The following DPP6 variants were observed in gnomAD, a reference collection of about 807,000 sequenced individuals.
DPP6 encodes the protein dipeptidyl peptidase like 6.
Under a neutral mutation model 122.6 loss-of-function variants are expected in DPP6, and 69 were observed. The ratio of observed to expected loss-of-function variants is 0.56; its 90% CI spans 0.46 to 0.69. DPP6 has a LOEUF of 0.69. DPP6 is among the 30% of genes least tolerant of loss of function. The pLI is 0.00. For synonymous variants in DPP6, 418 were observed against 433.1 expected (o/e 0.97, Z 0.43); for missense variants, 928 against 1,116.9 (o/e 0.83, Z 2.41).
chr7:154,387,761 C>T (rs149547055), intron 1 of DPP6, among the ~76,000 whole-genome samples: 13 of 152,294 alleles, frequency 8.5e-5, no homozygotes, highest in African/African-American at 2.9e-4. Flanking sequence ...ACTAATCCCA[C>T]GTTCTTCACC....
chr7:154,210,231 A>T (rs1799668045), intron 1 of DPP6, among the ~76,000 whole-genome samples: 1 of 152,170 alleles, frequency 6.6e-6, no homozygotes, highest in Non-Finnish European at 1.5e-5. Flanking sequence ...TCAGAAGTTC[A>T]TGCTGTCATT....
intron 8 of DPP6, among the ~76,000 whole-genome samples, chr7:154,747,338 C>G (rs1363354203): frequency 1.3e-5 from 2 of 152,190 alleles, no homozygotes; most frequent in Non-Finnish European, 2.9e-5. Flanking sequence ...TGCAATTGTA[C>G]AGAGGCTCTG....
At chr7:154,451,519 G>A (rs187246024) in intron 2 of DPP6, among the ~76,000 whole-genome samples, 23 of 152,150 alleles carry the variant, frequency 1.5e-4, no homozygotes, top group African/African-American at 3.1e-4. Context: ...TCTTCTCCAC[G>A]CACAGGGAGT....
intron 3 of DPP6, among the ~76,000 whole-genome samples, chr7:154,487,885 T>A (rs1389318089): frequency 1.3e-5 from 2 of 152,196 alleles, no homozygotes; most frequent in Non-Finnish European, 2.9e-5. Context: ...CCGTCCCCTG[T>A]GACTCATCAA....
At chr7:154,030,653 C>T (rs142900051) in intron 1 of DPP6, among the ~76,000 whole-genome samples, 26 of 152,266 alleles carry the variant, frequency 1.7e-4, no homozygotes, top group African/African-American at 4.8e-4. Context: ...AAGGCGTCCA[C>T]GTTCCTTTCC....
intron 1 of DPP6, among the ~76,000 whole-genome samples, chr7:153,954,484 C>G (rs755792819): frequency 1.3e-5 from 2 of 152,222 alleles, no homozygotes; most frequent in Non-Finnish European, 2.9e-5. Flanking sequence ...ATTGGCACCT[C>G]ATGAAAATGG....
chr7:154,113,412 T>TATATATACACACACACACACACAC (rs1472172445), intron 1 of DPP6, among the ~76,000 whole-genome samples: 2 of 141,888 alleles, frequency 1.4e-5, no homozygotes, highest in African/African-American at 5.2e-5. Context: ...TATATATATA[T>TATATATACACACACACACACACAC]ACACACACAC....
intron 16 of DPP6, among the ~76,000 whole-genome samples, chr7:154,826,103 AATC>A (rs1800126035): frequency 6.6e-6 from 1 of 152,232 alleles, no homozygotes; most frequent in African/African-American, 2.4e-5. Context: ...AGCTGCAACT[AATC>A]ATAAGGATTG....
intron 1 of DPP6, among the ~76,000 whole-genome samples, chr7:154,099,353 G>A (rs2150566307): frequency 6.6e-6 from 1 of 151,916 alleles, no homozygotes; most frequent in East Asian, 1.9e-4. Context: ...AAAAAACCTT[G>A]CCTTCCTTGG....
chr7:154,511,396 G>A (rs939113031), intron 3 of DPP6, among the ~76,000 whole-genome samples: 1 of 152,148 alleles, frequency 6.6e-6, no homozygotes, highest in African/African-American at 2.4e-5. Context: ...TGGCTCTGGG[G>A]GCAAGGTGAA....
At chr7:154,598,571 G>A (rs1026272003) in intron 5 of DPP6, among the ~76,000 whole-genome samples, 4 of 152,204 alleles carry the variant, frequency 2.6e-5, no homozygotes, top group African/African-American at 7.2e-5. Flanking sequence ...ATGACAGCAC[G>A]TCTGTTAGAC....
At chr7:154,358,053 C>T (rs1046713025) in intron 1 of DPP6, among the ~76,000 whole-genome samples, 1 of 152,052 alleles carries the variant, frequency 6.6e-6, no homozygotes, top group Non-Finnish European at 1.5e-5. Flanking sequence ...TTATACTGAA[C>T]AACTCAGAGT....
At chr7:154,727,452 T>A (rs1168259574) in intron 7 of DPP6, among the ~76,000 whole-genome samples, 1 of 152,236 alleles carries the variant, frequency 6.6e-6, no homozygotes. Flanking sequence ...CAATTTGACA[T>A]GAGATTTGGA....
At chr7:154,426,579 G>A (rs1817929395) in intron 1 of DPP6, among the ~76,000 whole-genome samples, 1 of 152,092 alleles carries the variant, frequency 6.6e-6, no homozygotes, top group African/African-American at 2.4e-5. Context: ...TTGTGATTGG[G>A]ACATACAAGT....
At chr7:153,780,463 A>G in the DPP6 span, among the ~76,000 whole-genome samples, 1 of 152,172 alleles carries the variant, frequency 6.6e-6, no homozygotes, top group Non-Finnish European at 1.5e-5. Flanking sequence ...AAAGCAGCAT[A>G]AAGTTGGTGC....
At chr7:154,371,802 C>T (rs1484512207) in intron 1 of DPP6, among the ~76,000 whole-genome samples, 1 of 150,744 alleles carries the variant, frequency 6.6e-6, no homozygotes, top group Non-Finnish European at 1.5e-5. Flanking sequence ...TTTCCAAACA[C>T]CAAGCAAAGG....
rs766191283 is a variant in DPP6, at chr7:154,883,732, C to T, written c.2134-1901C>T. 2.0e-5 allele frequency: 3 copies of T among 150,190 alleles called. No homozygotes were observed. In the South Asian group the frequency reaches 6.4e-4, roughly 32 times the overall value. 9.3% of individuals were successfully genotyped at this position (150,190 alleles called of 1,614,324 possible). ...AATTACATACACATGCTCACACATA[C>T]ATGCTCACAAACACGACTACATACA... On this transcript the variant is annotated intron_variant, in intron 21 of 25. Coordinates refer to ENST00000377770, the MANE Select transcript of DPP6 (RefSeq NM_130797.4).
chr7:154,818,223 G>C (rs1357885615), intron 16 of DPP6, among the ~76,000 whole-genome samples: 1 of 152,170 alleles, frequency 6.6e-6, no homozygotes, highest in Non-Finnish European at 1.5e-5. Flanking sequence ...GTTACCTGAA[G>C]GGATGGAAAT....
chr7:154,226,135 A>G (rs1030254518), intron 1 of DPP6, among the ~76,000 whole-genome samples: 2 of 152,162 alleles, frequency 1.3e-5, no homozygotes, highest in African/African-American at 4.8e-5. Context: ...GAAGAGGAAC[A>G]GGGGAGGAGA....
Sources: allele counts gnomAD v4.1 joint callset (sites outside exome capture counted in the v4.1 genomes callset), GRCh38; gene constraint gnomAD v4.1.1; transcripts MANE v1.5; gene names NCBI Gene and HGNC (gene_info 2026-07-23, HGNC 2026-07-21).